Variants in NF1 observed in about 807,000 individuals in gnomAD.
NF1 encodes the protein neurofibromin 1.
NF1 carries 122 observed loss-of-function variants against 325.7 expected under a neutral mutation model. That is an observed-to-expected ratio of 0.37 (90% CI 0.32 to 0.44). The LOEUF is 0.44. Among genes scored for constraint, NF1 ranks in the 20% least tolerant of loss-of-function variants. NF1 has a pLI of 1.00. For missense variants in NF1, 2,140 were observed against 3,415.4 expected, an observed-to-expected ratio of 0.63 and a Z score of 9.31; for synonymous variants, 1,091 against 1,186.0, an observed-to-expected ratio of 0.92 and a Z score of 1.65.
chr17:31,134,215 C>T (rs1915599031), intron 1 of NF1, among the ~76,000 whole-genome samples: 1 of 152,144 alleles, frequency 6.6e-6, no homozygotes, highest in Non-Finnish European at 1.5e-5. Context: ...TTAAGCTCAT[C>T]AGTTTTGAAT....
At chr17:31,200,902 G>A in intron 9 of NF1, 135 bp from the exon 10 acceptor site, 2 of 1,215,560 alleles carry the variant, frequency 1.6e-6, no homozygotes, top group Non-Finnish European at 2.4e-6. Flanking sequence ...ACCACAGTAT[G>A]GGTGCTTTGT....
intron 15 of NF1, chr17:31,222,135 T>G (rs2066935204): frequency 2.3e-6 from 3 of 1,286,042 alleles, no homozygotes; most frequent in Non-Finnish European, 2.9e-6. Flanking sequence ...AAATAAATTT[T>G]AAGAATAGTG....
At chr17:31,260,752 A>G (rs1251347936) in intron 34 of NF1, among the ~76,000 whole-genome samples, 1 of 152,198 alleles carries the variant, frequency 6.6e-6, no homozygotes, top group Non-Finnish European at 1.5e-5. Context: ...TGTCAGGTTA[A>G]GAAATCACAG....
rs146304414 is a variant in NF1, at chr17:31,231,555, T to C, written c.3198-518T>C. ...ATGCTCAAGTCCCTGACTTAAGATG[T>C]CATAGTATTTGCATATAAACTATAC... On this transcript the variant is annotated intron_variant, in intron 24 of 57. Transcript: ENST00000358273. Among the ~76,000 whole-genome samples the C allele has an allele frequency of 2.9e-3, 440 of 152,308 alleles. 3 individuals are homozygous for C. The highest frequency in any genetic ancestry group is 0.01 in the African/African-American group (424 of 41,572).
Position 31,357,250 on chromosome 17 carries a change from C to G in NF1, c.7870-19C>G. 6.2e-7 allele frequency: 1 copy of G among 1,611,058 alleles called. No individual in the cohort carries two copies. The highest frequency in any genetic ancestry group is 2.2e-5 in the East Asian group (1 of 44,860). On this transcript the variant is annotated intron_variant, in intron 53 of 57. Coordinates refer to ENST00000358273, the MANE Select transcript of NF1 (RefSeq NM_001042492.3). ...ACAAAGTAAAAATGTTGTGTGTTTA[C>G]TTTTTTGCATCTTGGCAGGCTACAC...
Position 31,281,575 on chromosome 17 carries a change from T to A in NF1, c.4835+16236T>A, listed in dbSNP as rs7212900. 2.0e-3 allele frequency among the ~76,000 whole-genome samples: 305 copies of A among 152,324 alleles called. 1 individual carries two copies. Among genetic ancestry groups the A allele is most frequent in the African/African-American group, 7.2e-3 (299 of 41,582 alleles). ...GCTGACCATCTCACCATTGCCCCCT[T>A]TGCCATGCCCTGACATCCTCACATG... On this transcript the variant is annotated intron_variant, in intron 36 of 57. Transcript: ENST00000358273.
intron 1 of NF1, among the ~76,000 whole-genome samples, chr17:31,155,205 A>G (rs1294541993): frequency 1.3e-5 from 2 of 152,204 alleles, no homozygotes; most frequent in African/African-American, 2.4e-5. Context: ...TAGCATTAGC[A>G]GGGTTTAATA....
Position 31,356,512 on chromosome 17 carries a change from G to T in NF1, c.7668G>T (p.Arg2556Ser), listed in dbSNP as rs876659035. 1 of 1,613,736 alleles carries T rather than the reference G, an allele frequency of 6.2e-7. No homozygotes were observed. The highest frequency in any genetic ancestry group is 8.5e-7 in the Non-Finnish European group (1 of 1,179,784). The change falls in exon 52 of 58, where the codon AGG (arginine) becomes AGT (serine). Residue 2556 changes from arginine (R) to serine (S), a missense_variant. Arg to Ser is a moderately radical substitution (Grantham distance 110). Transcript: ENST00000358273. ...TATCAGACACAAAGGCTCCTAAAAGGCAAGAAATGGAATCAGGGATCACAA... is the reference window on the plus strand; with the variant it reads ...TATCAGACACAAAGGCTCCTAAAAGTCAAGAAATGGAATCAGGGATCACAA... ...HLISDTKAPK[R>S]QEMESGITTP...
intron 4 of NF1, among the ~76,000 whole-genome samples, chr17:31,168,913 C>G (rs184303716): frequency 2.8e-4 from 43 of 152,196 alleles, no homozygotes; most frequent in South Asian, 1.5e-3. Flanking sequence ...ATTGTGACTT[C>G]TATGAAAGAT....
intron 1 of NF1, among the ~76,000 whole-genome samples, chr17:31,141,046 TAAAAC>T (rs772032639): frequency 5.9e-5 from 9 of 152,304 alleles, no homozygotes; most frequent in South Asian, 4.1e-4. Flanking sequence ...CTATAGTTAA[TAAAAC>T]AAAACTGTAT....
At chr17:31,323,426 G>A (rs1018060854) in intron 36 of NF1, among the ~76,000 whole-genome samples, 9 of 151,578 alleles carry the variant, frequency 5.9e-5, no homozygotes, top group Admixed American at 2.6e-4. Flanking sequence ...AAATTTCCAG[G>A]CCCCACTACA....
chr17:31,139,688 G>C (rs1916073785), intron 1 of NF1, among the ~76,000 whole-genome samples: 1 of 152,114 alleles, frequency 6.6e-6, no homozygotes, highest in African/African-American at 2.4e-5. Context: ...TTGCGTGGTT[G>C]GTTGCCTGGG....
intron 16 of NF1, 81 bp from the exon 17 acceptor site, chr17:31,225,014 A>G: frequency 6.6e-7 from 1 of 1,508,246 alleles, no homozygotes; most frequent in Admixed American, 1.7e-5. Context: ...AGAGTCTCAA[A>G]CAGGAAGACA....
chr17:31,118,450 C>A (rs1914144787), intron 1 of NF1, among the ~76,000 whole-genome samples: 1 of 152,026 alleles, frequency 6.6e-6, no homozygotes, highest in Non-Finnish European at 1.5e-5. Flanking sequence ...TAAACCCCCA[C>A]CCCGCAACAG....
At chr17:31,257,131 A>G (rs1207144190) in intron 31 of NF1, among the ~76,000 whole-genome samples, 1 of 152,134 alleles carries the variant, frequency 6.6e-6, no homozygotes, top group Non-Finnish European at 1.5e-5. Flanking sequence ...CCTGTCATAA[A>G]TTATGACAGG....
At chr17:31,325,539 A>G (rs535012531) in intron 36 of NF1, among the ~76,000 whole-genome samples, 13 of 152,328 alleles carry the variant, frequency 8.5e-5, no homozygotes, top group African/African-American at 1.7e-4. Flanking sequence ...CCTGCAGGCA[A>G]CCAACTAATT....
intron 36 of NF1, among the ~76,000 whole-genome samples, chr17:31,288,522 G>GTTTTTTTTTTTTT (rs200926157): frequency 2.5e-5 from 3 of 119,668 alleles, no homozygotes; most frequent in South Asian, 2.8e-4. Context: ...TTTTTGCTTT[G>GTTTTTTTTTTTTT]TTTTTTTTTT....
chr17:31,202,767 A>C (rs2066552746), intron 11 of NF1, among the ~76,000 whole-genome samples: 1 of 152,214 alleles, frequency 6.6e-6, no homozygotes, highest in Non-Finnish European at 1.5e-5. Flanking sequence ...AGTTTAATGA[A>C]GATTGTAAAT....
rs1431949346 is a variant in NF1 at position 31,307,981 on chromosome 17, T to TA, written c.4836-17838dup. The TA allele has an allele frequency of 9.0e-6, 11 of 1,216,902 alleles. No homozygotes were observed. The African/African-American group carries it at 1.1e-4, about 12-fold the overall frequency. 75.4% of individuals were successfully genotyped at this position (1,216,902 alleles called of 1,614,324 possible). On this transcript the variant is annotated intron_variant, in intron 36 of 57. Transcript: ENST00000358273. The stretch of plus-strand genomic sequence containing the variant: ...GGCCCTGTTTTAGTAGAAGAAAAGA[T>TA]ATGTGATTTTTTTCCCTATACGAAT...
Sources: gnomAD v4.1 joint callset for allele counts (sites outside exome capture counted in the v4.1 genomes callset) on GRCh38, gnomAD v4.1.1 for gene constraint, MANE v1.5 for transcripts, NCBI Gene and HGNC (gene_info 2026-07-23, HGNC 2026-07-21) for gene names.